Variants in CEP162 observed in about 807,000 individuals in gnomAD.
CEP162 encodes centrosomal protein of 162 kDa.
A neutral mutation model predicts 169.2 loss-of-function variants in CEP162; 141 were observed. The observed-to-expected ratio is 0.83, with a 90% CI of 0.73 to 0.96. The LOEUF (loss-of-function observed/expected upper bound fraction) is 0.96, where lower values mean the gene tolerates loss of function less well. CEP162 is among the 40% of genes least tolerant of loss of function. The pLI is 0.00. For missense variants in CEP162, 1,600 were observed against 1,587.2 expected (o/e 1.01, Z -0.14); for synonymous variants, 540 against 526.4 (o/e 1.03, Z -0.35).
Position 84,152,801 on chromosome 6 carries a change from T to C in CEP162, c.3373A>G (p.Lys1125Glu), listed in dbSNP as rs1356571136. The part of the protein sequence containing the change: ...RRMMLSNQNS[K>E]GREEMSAKRA... ...TTGGCAGACATTTCCTCTCTGCCCT[T>C]TGAGTTCTGATTTGATAGCATCATT... Residue 1125 changes from lysine to glutamate, a missense_variant, in exon 23 of 27, where the codon AAG becomes GAG. Lys to Glu is a moderately conservative substitution (Grantham distance 56). Transcript: ENST00000403245. The C allele has an allele frequency of 6.2e-7, 1 of 1,613,638 alleles. No individual in the cohort carries two copies. Among genetic ancestry groups the C allele is most frequent in the Admixed American group, 1.7e-5 (1 of 59,892 alleles).
At chr6:84,175,965 C>A (rs2099532261) in intron 13 of CEP162, among the ~76,000 whole-genome samples, 1 of 151,918 alleles carries the variant, frequency 6.6e-6, no homozygotes, top group Non-Finnish European at 1.5e-5. Flanking sequence ...CAATTTTCAG[C>A]TTTTAAGGTA....
chr6:84,174,133 G>A lies in CEP162; in HGVS notation c.2081C>T (p.Ala694Val). ...CTTTTCTCCAGTGACAGGATCAGCT[G>A]CTTCTCCAAAATGTAACCACCTTTG... ...KKQRWLHFGEAADPVTGEKLK... is the reference protein window; with the variant it reads ...KKQRWLHFGEVADPVTGEKLK... The change falls in exon 16 of 27, where the codon GCA (alanine) becomes GTA (valine). Residue 694 changes from alanine (A) to valine (V), a missense_variant. Ala to Val is a moderately conservative substitution (Grantham distance 64). Transcript: ENST00000403245. 1 of 1,610,178 alleles carries A rather than the reference G, an allele frequency of 6.2e-7. No homozygotes were observed. Among genetic ancestry groups the A allele is most frequent in the Admixed American group, 1.7e-5 (1 of 59,530 alleles).
Position 84,160,917 on chromosome 6 carries a change from C to T in CEP162, c.2677-1G>A. 1 of 1,578,454 alleles carries T rather than the reference C, an allele frequency of 6.3e-7. No homozygotes were observed. The highest frequency in any genetic ancestry group is 1.1e-5 in the South Asian group (1 of 90,306). On this transcript the variant is annotated splice_acceptor_variant, in intron 20 of 26. Transcript: ENST00000403245. LOFTEE classifies it high-confidence loss of function. ...CAGATTCAGCTTTCAGTTTCTCAAT[C>T]TGTCAATAAATAAATAACATGTTAA...
intron 3 of CEP162, among the ~76,000 whole-genome samples, chr6:84,220,033 G>A (rs2099553060): frequency 6.6e-6 from 1 of 152,182 alleles, no homozygotes; most frequent in Admixed American, 6.5e-5. Context: ...ATAATGCACA[G>A]AGGCAGGGAG....
chr6:84,201,626 TA>T (rs1255067130), intron 8 of CEP162, 110 bp downstream of exon 8: 1 of 617,238 alleles, frequency 1.6e-6, no homozygotes, highest in African/African-American at 1.9e-5. Context: ...TTCAATGCCT[TA>T]GAAATATTTA....
rs141915291 is a variant in CEP162 at position 84,196,147 on chromosome 6, T to C, written c.836-1072A>G. 5.9e-4 allele frequency among the ~76,000 whole-genome samples: 90 copies of C among 152,282 alleles called. 1 individual carries two copies. The highest frequency in any genetic ancestry group is 2.0e-3 in the African/African-American group (84 of 41,568). On this transcript the variant is annotated intron_variant, in intron 9 of 26. Coordinates refer to ENST00000403245, the MANE Select transcript of CEP162 (RefSeq NM_014895.4). ...TAAATTGTAACTCCCACAATTCTCA[T>C]GTGTCATGGGAGGGACCTGGTGGGA...
intron 21 of CEP162, among the ~76,000 whole-genome samples, chr6:84,158,595 C>T (rs1179374417): frequency 6.6e-6 from 1 of 151,964 alleles, no homozygotes; most frequent in African/African-American, 2.4e-5. Context: ...GGGATATATC[C>T]ATCTACAAAT....
At chr6:84,174,653 T>G in intron 15 of CEP162, 74 bp downstream of exon 15, 1 of 700,336 alleles carries the variant, frequency 1.4e-6, no homozygotes, top group Non-Finnish European at 2.3e-6. Flanking sequence ...AGGATGACAA[T>G]GTATTTAGCA....
intron 25 of CEP162, among the ~76,000 whole-genome samples, chr6:84,144,014 G>A (rs2099517780): frequency 6.6e-6 from 1 of 151,892 alleles, no homozygotes; most frequent in African/African-American, 2.4e-5. Flanking sequence ...ACTAAGTATT[G>A]TTTCATAATG....
Position 84,168,498 on chromosome 6 carries a change from T to C in CEP162, c.2385+830A>G, listed in dbSNP as rs138448563. Among the ~76,000 whole-genome samples the C allele has an allele frequency of 3.7e-3, 565 of 152,144 alleles. 1 individual carries two copies. Among genetic ancestry groups the C allele is most frequent in the African/African-American group, 0.013 (533 of 41,512 alleles). ...TTTCTAATTTACATAATAATTGAAA[T>C]AGATTGGAAGGGCTTTTTAGTTTAG... On this transcript the variant is annotated intron_variant, in intron 18 of 26. Transcript: ENST00000403245.
intron 21 of CEP162, among the ~76,000 whole-genome samples, chr6:84,159,118 T>C (rs2099524397): frequency 6.6e-6 from 1 of 151,720 alleles, no homozygotes; most frequent in Non-Finnish European, 1.5e-5. Flanking sequence ...TATATTGTGA[T>C]ATACCTTGAT....
intron 17 of CEP162, among the ~76,000 whole-genome samples, chr6:84,170,702 T>TA (rs1407838149): frequency 1.3e-5 from 2 of 152,206 alleles, no homozygotes; most frequent in Admixed American, 6.5e-5. Context: ...GGTGTTTACA[T>TA]AAAAAGATAC....
rs905211867 is a variant in CEP162, at chr6:84,138,714, TAAC to T, written c.3870+7970_3870+7972del. ...CTGTCTTACCATTGTATTGCTAAAT[TAAC>T]AACAATTAAGTTAACTAAAACTGAC... On this transcript the variant is annotated intron_variant, in intron 25 of 26. Coordinates refer to ENST00000403245, the MANE Select transcript of CEP162 (RefSeq NM_014895.4). Among the ~76,000 whole-genome samples, 38 of 152,310 alleles carry T rather than the reference TAAC, an allele frequency of 2.5e-4. 1 individual carries two copies. The highest frequency in any genetic ancestry group is 8.7e-4 in the African/African-American group (36 of 41,582).
chr6:84,218,495 T>C lies in CEP162; in HGVS notation c.172+2562A>G, dbSNP rs191437203. Among the ~76,000 whole-genome samples, 13 of 152,362 alleles carry C rather than the reference T, an allele frequency of 8.5e-5. No individual in the cohort carries two copies. The East Asian group carries it at 2.5e-3, about 29-fold the overall frequency. ...ATATGTTTGTTGTAAAAAACTGATATATGGAAAAGGTAAATAATTATGAGT... is the reference window on the plus strand; with the variant it reads ...ATATGTTTGTTGTAAAAAACTGATACATGGAAAAGGTAAATAATTATGAGT... On this transcript the variant is annotated intron_variant, in intron 3 of 26. Transcript: ENST00000403245.
chr6:84,175,307 CA>C lies in CEP162; in HGVS notation c.1703del (p.Leu568TrpfsTer35). ...SGTKLIKPAA[L>X]DKPAHKTESC... is the part of the protein sequence containing the mutation. ...TTTCAGTTTTGTGAGCTGGTTTATCCAAAGCTGCAGGCTTGATGAGTTTTGT... is the reference window on the plus strand; with the variant it reads ...TTTCAGTTTTGTGAGCTGGTTTATCCAAGCTGCAGGCTTGATGAGTTTTGT... On this transcript the variant is annotated frameshift_variant, in exon 14 of 27. Coordinates refer to ENST00000403245, the MANE Select transcript of CEP162 (RefSeq NM_014895.4). LOFTEE classifies it high-confidence loss of function. 6.5e-7 allele frequency: 1 copy of C among 1,546,266 alleles called. No individual in the cohort carries two copies.
intron 25 of CEP162, among the ~76,000 whole-genome samples, chr6:84,130,999 A>G (rs2099511130): frequency 6.6e-6 from 1 of 152,206 alleles, no homozygotes; most frequent in Non-Finnish European, 1.5e-5. Context: ...ATTTAGTGCT[A>G]TAAATTTCCC....
intron 22 of CEP162, among the ~76,000 whole-genome samples, 162 bp downstream of exon 22, chr6:84,155,136 C>T (rs1359933530): frequency 6.6e-6 from 1 of 152,118 alleles, no homozygotes; most frequent in Non-Finnish European, 1.5e-5. Context: ...AAAGACGACA[C>T]CAAAATAGGA....
chr6:84,134,187 T>C (rs1364969384), intron 25 of CEP162, among the ~76,000 whole-genome samples: 1 of 152,132 alleles, frequency 6.6e-6, no homozygotes, highest in African/African-American at 2.4e-5. Context: ...CAAGCCTCAG[T>C]AATGGTGGAT....
intron 19 of CEP162, among the ~76,000 whole-genome samples, chr6:84,162,869 G>A (rs2099526350): frequency 6.6e-6 from 1 of 152,134 alleles, no homozygotes; most frequent in African/African-American, 2.4e-5. Context: ...CCTCAGGAAG[G>A]TCACAGTCTA....
Sources: allele counts gnomAD v4.1 joint callset (sites outside exome capture counted in the v4.1 genomes callset), GRCh38; gene constraint gnomAD v4.1.1; transcripts MANE v1.5; gene names NCBI Gene and HGNC (gene_info 2026-07-23, HGNC 2026-07-21).